The following IL1RAPL1 variants were observed in gnomAD, a reference collection of about 807,000 sequenced individuals.
The protein encoded by IL1RAPL1 is interleukin-1 receptor accessory protein-like 1.
A neutral mutation model predicts 48.4 loss-of-function variants in IL1RAPL1; 3 were observed. The ratio of observed to expected loss-of-function variants is 0.06; its 90% CI spans 0.03 to 0.16. The LOEUF (loss-of-function observed/expected upper bound fraction) is 0.16, where lower values mean the gene tolerates loss of function less well. Ranked by LOEUF, IL1RAPL1 falls within the 10% of genes least tolerant of loss-of-function variation. IL1RAPL1 has a pLI of 1.00. For synonymous variants in IL1RAPL1, 185 were observed against 187.7 expected (o/e 0.99, Z 0.12); for missense variants, 349 against 530.6 (o/e 0.66, Z 3.36).
rs73631630 is a variant in IL1RAPL1, at chrX:28,945,889, A to G, written c.82+156464A>G. Among the ~76,000 whole-genome samples, 377 of 47,739 alleles carry G rather than the reference A, an allele frequency of 7.9e-3. 4 individuals carry two copies. The highest frequency in any genetic ancestry group is 0.013 in the Non-Finnish European group (245 of 18,170). The allele number at this position is 47,739 out of a possible 115,157, so 41.5% of individuals were successfully genotyped here. A position where few individuals can be genotyped will look rare whatever the true frequency, so the allele number is the denominator to read the frequency against. The stretch of plus-strand genomic sequence containing the variant: ...ATGGTTTACTGTTATATATGTATGT[A>G]TATATATATATATATGTGTGTGTGT... On this transcript the variant is annotated intron_variant, in intron 2 of 10. Coordinates refer to ENST00000378993, the MANE Select transcript of IL1RAPL1 (RefSeq NM_014271.4).
chrX:29,324,940 A>G (rs1315739556), intron 3 of IL1RAPL1, among the ~76,000 whole-genome samples: 1 of 112,090 alleles, frequency 8.9e-6, no homozygotes, highest in Non-Finnish European at 1.9e-5. Flanking sequence ...AAAACATTTC[A>G]ATAGATAGAA....
intron 2 of IL1RAPL1, among the ~76,000 whole-genome samples, chrX:28,855,045 G>T (rs779700565): frequency 9.0e-6 from 1 of 111,359 alleles, no homozygotes; most frequent in African/African-American, 3.3e-5. Flanking sequence ...TTTGAGACAG[G>T]GTCTCACTCT....
chrX:29,680,057 AT>A (rs997039482), intron 6 of IL1RAPL1, among the ~76,000 whole-genome samples: 26 of 110,603 alleles, frequency 2.4e-4, no homozygotes, highest in South Asian at 3.8e-4. Flanking sequence ...TAATTTGGGG[AT>A]TTTTTTTTGA....
rs770954333 is a variant in IL1RAPL1, at chrX:29,287,545, T to C, written c.362+4328T>C. On this transcript the variant is annotated intron_variant, in intron 3 of 10. Coordinates refer to ENST00000378993, the MANE Select transcript of IL1RAPL1 (RefSeq NM_014271.4). ...TAGCATCTGATGTTCCCACCAGCAA[T>C]GTATGATTTCTCCACATCCTTGCAG... Among the ~76,000 whole-genome samples, 13 of 112,491 alleles carry C rather than the reference T, an allele frequency of 1.2e-4. No homozygotes were observed. In the East Asian group the frequency reaches 3.4e-3, roughly 29 times the overall value.
chrX:28,666,489 T>G (rs1934880354), intron 1 of IL1RAPL1, among the ~76,000 whole-genome samples: 1 of 111,876 alleles, frequency 8.9e-6, no homozygotes, highest in Admixed American at 9.5e-5. Context: ...ACCTCCAAAA[T>G]ATTAATATAA....
At chrX:29,230,509 A>ACAAAAAAAC (rs1555978788) in intron 2 of IL1RAPL1, among the ~76,000 whole-genome samples, 2 of 71,435 alleles carry the variant, frequency 2.8e-5, no homozygotes, top group East Asian at 6.8e-4. Context: ...TTTACCAAAA[A>ACAAAAAAAC]AAAAAAAAAA....
chrX:29,193,953 C>T (rs766807966), intron 2 of IL1RAPL1, among the ~76,000 whole-genome samples: 7 of 111,690 alleles, frequency 6.3e-5, no homozygotes, highest in Non-Finnish European at 1.3e-4. Context: ...TCAAGTTAAA[C>T]GTTGAGGAAA....
chrX:29,469,402 A>G (rs1236632552), intron 5 of IL1RAPL1, among the ~76,000 whole-genome samples: 2 of 112,238 alleles, frequency 1.8e-5, no homozygotes, highest in Non-Finnish European at 3.8e-5. Flanking sequence ...CAGGACAACT[A>G]TGTACATATA....
rs528769290 is a variant in IL1RAPL1 at position 29,625,837 on chromosome X, G to A, written c.704-42593G>A. On this transcript the variant is annotated intron_variant, in intron 5 of 10. Coordinates refer to ENST00000378993, the MANE Select transcript of IL1RAPL1 (RefSeq NM_014271.4). ...CTTCCATGTGATTTGAAAGGACAGA[G>A]GGGTAGCTTTTTCTGGCCATGCCAC... 5.4e-5 allele frequency among the ~76,000 whole-genome samples: 6 copies of A among 111,865 alleles called. No individual in the cohort carries two copies. The East Asian group carries it at 1.1e-3, about 21-fold the overall frequency.
chrX:29,564,944 G>A (rs1264881218), intron 5 of IL1RAPL1, among the ~76,000 whole-genome samples: 2 of 111,368 alleles, frequency 1.8e-5, no homozygotes, highest in South Asian at 3.8e-4. Flanking sequence ...TAGAAACTCC[G>A]TGCATTCCTT....
At chrX:29,709,793 A>G (rs1454345616) in intron 6 of IL1RAPL1, among the ~76,000 whole-genome samples, 1 of 112,080 alleles carries the variant, frequency 8.9e-6, no homozygotes, top group Non-Finnish European at 1.9e-5. Flanking sequence ...CTTCCAATCT[A>G]TGAACATGTG....
At position 29,710,637 on chromosome X, in the gene IL1RAPL1, T is replaced by C. The variant is rs778414339; in HGVS notation, c.778+42133T>C. On this transcript the variant is annotated intron_variant, in intron 6 of 10. Coordinates refer to ENST00000378993, the MANE Select transcript of IL1RAPL1 (RefSeq NM_014271.4). ...ATATATATATAATATATATATAATGTTTTGTTCTAGAAACTTTTATTGAAT... is the reference window on the plus strand; with the variant it reads ...ATATATATATAATATATATATAATGCTTTGTTCTAGAAACTTTTATTGAAT... Among the ~76,000 whole-genome samples, 137 of 105,705 alleles carry C rather than the reference T, an allele frequency of 1.3e-3. 1 individual carries two copies. The highest frequency in any genetic ancestry group is 4.2e-3 in the African/African-American group (124 of 29,414). 91.8% of individuals were successfully genotyped at this position (105,705 alleles called of 115,157 possible).
At chrX:29,308,517 C>G (rs1932659383) in intron 3 of IL1RAPL1, among the ~76,000 whole-genome samples, 1 of 111,936 alleles carries the variant, frequency 8.9e-6, no homozygotes, top group African/African-American at 3.2e-5. Context: ...TAAGGAAAAA[C>G]AGTAGAGGAG....
rs554691457 is a variant in IL1RAPL1 at position 28,803,594 on chromosome X, C to A, written c.82+14169C>A. Among the ~76,000 whole-genome samples, 44 of 111,766 alleles carry A rather than the reference C, an allele frequency of 3.9e-4. No individual in the cohort carries two copies. In the South Asian group the frequency reaches 0.016, roughly 41 times the overall value. On this transcript the variant is annotated intron_variant, in intron 2 of 10. Coordinates refer to ENST00000378993, the MANE Select transcript of IL1RAPL1 (RefSeq NM_014271.4). Reference sequence around the variant, plus strand: ...TTTCAAACGAAAGGCATATAATACACCCCCCACACACGAAAATATTAGCAT... The same window carrying A: ...TTTCAAACGAAAGGCATATAATACAACCCCCACACACGAAAATATTAGCAT...
At chrX:29,936,989 A>G (rs1345252105) in intron 8 of IL1RAPL1, among the ~76,000 whole-genome samples, 3 of 111,881 alleles carry the variant, frequency 2.7e-5, no homozygotes, top group African/African-American at 6.5e-5. Context: ...CTTAGCCTGT[A>G]CTGGAGCTTT....
At chrX:29,195,857 G>A (rs750505502) in intron 2 of IL1RAPL1, among the ~76,000 whole-genome samples, 2 of 111,291 alleles carry the variant, frequency 1.8e-5, no homozygotes, top group South Asian at 7.5e-4. Flanking sequence ...CACTGCACCC[G>A]GCCTATCTAA....
chrX:28,743,923 T>G (rs923387570), intron 1 of IL1RAPL1, among the ~76,000 whole-genome samples: 1 of 111,288 alleles, frequency 9.0e-6, no homozygotes. Context: ...TGTAATTATG[T>G]GAATCCTATC....
chrX:29,168,211 T>C (rs748536033), intron 2 of IL1RAPL1, among the ~76,000 whole-genome samples: 24 of 109,191 alleles, frequency 2.2e-4, no homozygotes, highest in South Asian at 1.6e-3. Flanking sequence ...TCTTCACTTC[T>C]ATCTGTCTTG....
chrX:29,255,123 TTGTGTGTGTGTGTGTGTGCGTGTG>T (rs1323336338), intron 2 of IL1RAPL1, among the ~76,000 whole-genome samples: 7 of 97,055 alleles, frequency 7.2e-5, no homozygotes, highest in African/African-American at 1.2e-4. Flanking sequence ...ACTAAGGTAT[TTGTGTGTGTGTGTGTGTGCGTGTG>T]TGTGTGTGTG....
Sources: allele counts gnomAD v4.1 joint callset (sites outside exome capture counted in the v4.1 genomes callset), GRCh38; gene constraint gnomAD v4.1.1; transcripts MANE v1.5; gene names NCBI Gene and HGNC (gene_info 2026-07-23, HGNC 2026-07-21).